ME3: variants seen among roughly 807,000 people sequenced by gnomAD.
ME3 encodes the protein malic enzyme 3, also known as NADP-dependent malic enzyme, mitochondrial.
In ME3, 48 loss-of-function variants were observed where a neutral mutation model predicts 68.9. The observed-to-expected ratio is 0.70, with a 90% CI of 0.55 to 0.89. ME3 has a LOEUF of 0.89. Among genes scored for constraint, ME3 ranks in the 40% least tolerant of loss-of-function variants. The pLI, the probability that ME3 is intolerant of heterozygous loss-of-function variation, is 0.00. For synonymous variants in ME3, 320 were observed against 318.8 expected (o/e 1.00, Z -0.04); for missense variants, 675 against 797.4 (o/e 0.85, Z 1.85).
At chr11:86,446,610 C>G (rs1225320411) in intron 12 of ME3, 123 bp from the exon 13 acceptor site, 1 of 922,242 alleles carries the variant, frequency 1.1e-6, no homozygotes, top group East Asian at 2.6e-5. Flanking sequence ...CAGCACTGTG[C>G]TGAGAACATG....
At chr11:86,570,472 A>G (rs1325229666) in intron 2 of ME3, among the ~76,000 whole-genome samples, 2 of 152,142 alleles carry the variant, frequency 1.3e-5, no homozygotes, top group Non-Finnish European at 2.9e-5. Context: ...TGTTCCCTGC[A>G]CTGAACCCCA....
intron 2 of ME3, among the ~76,000 whole-genome samples, chr11:86,610,259 A>G (rs1012742001): frequency 3.2e-4 from 48 of 152,290 alleles, no homozygotes; most frequent in Non-Finnish European, 5.9e-4. Context: ...TTTCATTTAA[A>G]AAACTAGATG....
chr11:86,635,774 CT>C (rs1408994159), intron 2 of ME3, among the ~76,000 whole-genome samples: 1 of 152,158 alleles, frequency 6.6e-6, no homozygotes, highest in Non-Finnish European at 1.5e-5. Flanking sequence ...CTGTGATATT[CT>C]GTTACAGCAG....
chr11:86,541,053 C>G (rs1393884828), intron 4 of ME3, among the ~76,000 whole-genome samples: 1 of 152,196 alleles, frequency 6.6e-6, no homozygotes. Context: ...AACTCCCTCC[C>G]CTAGCCAAGG....
At chr11:86,525,916 C>T (rs1954706247) in intron 4 of ME3, among the ~76,000 whole-genome samples, 1 of 151,566 alleles carries the variant, frequency 6.6e-6, no homozygotes, top group African/African-American at 2.4e-5. Context: ...ATAGGAACTG[C>T]TCCAGTCTAC....
intron 2 of ME3, among the ~76,000 whole-genome samples, chr11:86,628,439 C>A (rs189194378): frequency 6.4e-4 from 97 of 152,338 alleles, no homozygotes; most frequent in Admixed American, 1.8e-3. Context: ...ATTCGTGTTA[C>A]TTGGGGAGCT....
intron 6 of ME3, among the ~76,000 whole-genome samples, 177 bp downstream of exon 6, chr11:86,497,786 A>C (rs541422739): frequency 1.3e-5 from 2 of 152,234 alleles, no homozygotes; most frequent in African/African-American, 4.8e-5. Flanking sequence ...GGGGTGGGCA[A>C]CCAGGGAAGA....
At chr11:86,493,524 G>T (rs1259371453) in intron 6 of ME3, among the ~76,000 whole-genome samples, 2 of 152,234 alleles carry the variant, frequency 1.3e-5, no homozygotes, top group African/African-American at 2.4e-5. Context: ...AAACAAGGGG[G>T]TTGAACGAGA....
At chr11:86,442,175 T>C (rs1446162450) in intron 14 of ME3, among the ~76,000 whole-genome samples, 4 of 152,244 alleles carry the variant, frequency 2.6e-5, no homozygotes, top group Non-Finnish European at 5.9e-5. Flanking sequence ...CAGTCCTTAT[T>C]GCACCATGTT....
intron 2 of ME3, among the ~76,000 whole-genome samples, chr11:86,637,148 G>A (rs10501624): frequency 0.095 from 14,420 of 152,158 alleles, 710 homozygotes; most frequent in South Asian, 0.13. Flanking sequence ...GGTCTTATAC[G>A]TAACTAATAT....
chr11:86,450,357 G>T (rs775949939), exon 9 of ME3: 3 of 1,613,988 alleles, frequency 1.9e-6, no homozygotes, highest in Non-Finnish European at 1.7e-6. Context: ...TTGGTGATTC[G>T]CAGAGCAGCC....
intron 2 of ME3, among the ~76,000 whole-genome samples, chr11:86,624,962 A>C (rs1247659844): frequency 6.6e-6 from 1 of 152,212 alleles, no homozygotes; most frequent in Non-Finnish European, 1.5e-5. Flanking sequence ...ATGAGACCAG[A>C]GAGGTAGAGA....
intron 6 of ME3, among the ~76,000 whole-genome samples, chr11:86,492,685 G>A (rs1444590573): frequency 6.6e-6 from 1 of 152,208 alleles, no homozygotes; most frequent in Non-Finnish European, 1.5e-5. Flanking sequence ...CTCCTCTGCT[G>A]TGGGAGTTAG....
At chr11:86,616,795 T>C (rs1020974433) in intron 2 of ME3, among the ~76,000 whole-genome samples, 2 of 152,134 alleles carry the variant, frequency 1.3e-5, no homozygotes, top group African/African-American at 4.8e-5. Flanking sequence ...GGCAGCCAAA[T>C]GTAATGTGGT....
At chr11:86,476,560 C>T (rs922228314) in intron 7 of ME3, among the ~76,000 whole-genome samples, 1 of 152,182 alleles carries the variant, frequency 6.6e-6, no homozygotes, top group Admixed American at 6.5e-5. Context: ...GGGTGACTGA[C>T]TCTGAGTGGT....
intron 4 of ME3, among the ~76,000 whole-genome samples, chr11:86,537,029 C>T (rs1409936054): frequency 1.3e-5 from 2 of 150,066 alleles, no homozygotes; most frequent in African/African-American, 2.5e-5. Flanking sequence ...AGTAAACTAT[C>T]GGAAGAACAA....
chr11:86,658,913 T>G (rs1946097030), intron 2 of ME3, among the ~76,000 whole-genome samples: 1 of 152,198 alleles, frequency 6.6e-6, no homozygotes. Context: ...CCATCTCTAC[T>G]CCTGTTTCAT....
At chr11:86,450,861 C>T (rs773211201) in intron 8 of ME3, among the ~76,000 whole-genome samples, 10 of 152,288 alleles carry the variant, frequency 6.6e-5, no homozygotes, top group Admixed American at 1.3e-4. Context: ...TGTGTCTGGT[C>T]GCACACCATC....
chr11:86,471,533 T>A (rs1353524306), intron 7 of ME3, among the ~76,000 whole-genome samples: 1 of 152,248 alleles, frequency 6.6e-6, no homozygotes, highest in East Asian at 1.9e-4. Flanking sequence ...ATTCTGGACA[T>A]ATCTGTAACA....
Sources: gnomAD v4.1 joint callset for allele counts (sites outside exome capture counted in the v4.1 genomes callset) on GRCh38, gnomAD v4.1.1 for gene constraint, MANE v1.5 for transcripts, NCBI Gene and HGNC (gene_info 2026-07-23, HGNC 2026-07-21) for gene names.